SERPINA9: variants seen among roughly 807,000 people sequenced by gnomAD.
SERPINA9 encodes the protein serpin family A member 9.
Under a neutral mutation model 24.5 loss-of-function variants are expected in SERPINA9, and 32 were observed. The ratio of observed to expected loss-of-function variants is 1.30; its 90% CI spans 0.98 to 1.75. The LOEUF (loss-of-function observed/expected upper bound fraction) is 1.75, where lower values mean the gene tolerates loss of function less well. Ranked by LOEUF, SERPINA9 falls within the 40% of genes most tolerant of loss-of-function variation. The pLI is 0.00. For synonymous variants in SERPINA9, 233 were observed against 197.7 expected, an observed-to-expected ratio of 1.18 and a Z score of -1.50; for missense variants, 594 against 497.1, an observed-to-expected ratio of 1.19 and a Z score of -1.85.
intron 3 of SERPINA9, among the ~76,000 whole-genome samples, chr14:94,466,667 A>G (rs1461340620): frequency 6.6e-6 from 1 of 152,248 alleles, no homozygotes; most frequent in African/African-American, 2.4e-5. Flanking sequence ...GAATTCTTCT[A>G]AGCACTTTGT....
At chr14:94,463,333 G>A (rs1367576590) in intron 4 of SERPINA9, 37 bp from the exon 5 acceptor site, 12 of 1,584,050 alleles carry the variant, frequency 7.6e-6, no homozygotes, top group East Asian at 4.5e-5. Context: ...GGCCCTAGTG[G>A]AGACACTTTT....
intron 2 of SERPINA9, 56 bp downstream of exon 2, chr14:94,469,157 A>AATC (rs1277864779): frequency 1.8e-5 from 28 of 1,515,374 alleles, no homozygotes; most frequent in East Asian, 4.5e-5. Context: ...ACTAAGCAAA[A>AATC]ATCATCATCA....
Position 94,464,706 on chromosome 14 carries a change from C to T in SERPINA9, c.1050+1G>A. 1 of 1,611,008 alleles carries T rather than the reference C, an allele frequency of 6.2e-7. No individual in the cohort carries two copies. Among genetic ancestry groups the T allele is most frequent in the Non-Finnish European group, 8.5e-7 (1 of 1,178,662 alleles). On this transcript the variant is annotated splice_donor_variant, in intron 4 of 4. Coordinates refer to ENST00000674397, the MANE Select transcript of SERPINA9 (RefSeq NM_175739.4). LOFTEE classifies it high-confidence loss of function. ...TTTGCAAATATTTTCATTCAACTCA[C>T]TTTAGAAACCTGCAGGGAGTCTCTC...
intron 1 of SERPINA9, among the ~76,000 whole-genome samples, chr14:94,470,688 G>T (rs1899269646): frequency 6.6e-6 from 1 of 152,184 alleles, no homozygotes; most frequent in Non-Finnish European, 1.5e-5. Context: ...GTGTGATAAG[G>T]CACAAATTGT....
Position 94,467,187 on chromosome 14 carries a change from C to A in SERPINA9, c.824G>T (p.Ser275Ile), listed in dbSNP as rs1899043810. 2 of 1,614,044 alleles carry A rather than the reference C, an allele frequency of 1.2e-6. No homozygotes were observed. Among genetic ancestry groups the A allele is most frequent in the African/African-American group, 2.7e-5 (2 of 74,918 alleles). Residue 275 changes from serine (S) to isoleucine (I), a missense_variant, in exon 3 of 5, where the codon AGC becomes ATC. Transcript: ENST00000674397. ...GDAVAFFVLP[S>I]KGKMRQLEQA... ...TTCCAGTTGCCTCATCTTGCCCTTGCTAGGGAGGACAAAGAAGGCCACGGC... is the reference window on the plus strand; with the variant it reads ...TTCCAGTTGCCTCATCTTGCCCTTGATAGGGAGGACAAAGAAGGCCACGGC...
rs1474825663 is a variant in SERPINA9, at chr14:94,467,103, G to T, written c.902+6C>A. ...CAGGGCCCAGGAGATTGACACAGAT[G>T]CCCACCTTTTCTGGAGTGAGTGGCT... is the stretch of plus-strand genomic sequence containing the variant. On this transcript the variant is annotated splice_donor_region_variant and intron_variant, in intron 3 of 4. Transcript: ENST00000674397. 6.2e-7 allele frequency: 1 copy of T among 1,612,084 alleles called. No individual in the cohort carries two copies. The highest frequency in any genetic ancestry group is 8.5e-7 in the Non-Finnish European group (1 of 1,178,894).
At chr14:94,475,420 G>A in intron 1 of SERPINA9, among the ~76,000 whole-genome samples, 1 of 111,736 alleles carries the variant, frequency 8.9e-6, no homozygotes, top group East Asian at 2.4e-4. Context: ...GCCTACATGT[G>A]CACACACACA....
chr14:94,468,891 C>G (rs1176754276), intron 2 of SERPINA9, among the ~76,000 whole-genome samples: 2 of 152,188 alleles, frequency 1.3e-5, no homozygotes, highest in African/African-American at 2.4e-5. Flanking sequence ...GGCAGTGGGA[C>G]AGCTGCTGGT....
chr14:94,470,395 C>CT (rs1899255260), intron 1 of SERPINA9, among the ~76,000 whole-genome samples: 1 of 152,172 alleles, frequency 6.6e-6, no homozygotes, highest in South Asian at 2.1e-4. Flanking sequence ...AAAGGCTGTC[C>CT]TTTTTGCTGT....
intron 3 of SERPINA9, 38 bp from the exon 4 acceptor site, chr14:94,464,892 C>T: frequency 6.4e-7 from 1 of 1,570,684 alleles, no homozygotes; most frequent in Non-Finnish European, 8.7e-7. Flanking sequence ...AGGTCACAAG[C>T]CCATGGTGTC....
intron 1 of SERPINA9, among the ~76,000 whole-genome samples, chr14:94,472,309 C>G (rs758716226): frequency 3.9e-5 from 6 of 152,180 alleles, no homozygotes; most frequent in Non-Finnish European, 8.8e-5. Context: ...CTGGATGCCA[C>G]CTTCCTTTGC....
At chr14:94,470,445 A>C (rs188101366) in intron 1 of SERPINA9, among the ~76,000 whole-genome samples, 140 of 152,364 alleles carry the variant, frequency 9.2e-4, no homozygotes, top group Non-Finnish European at 1.4e-3. Flanking sequence ...TCAGTTGCTG[A>C]TGAGCTGCAG....
intron 1 of SERPINA9, among the ~76,000 whole-genome samples, chr14:94,474,236 C>T (rs8021794): frequency 0.02 from 3,120 of 152,266 alleles, 111 homozygotes; most frequent in African/African-American, 0.07. Context: ...CCCCCACTGA[C>T]GCTGGGTTGT....
Position 94,464,794 on chromosome 14 carries a change from G to A in SERPINA9, c.963C>T (p.Ile321=), listed in dbSNP as rs779655716. 70 of 1,613,112 alleles carry A rather than the reference G, an allele frequency of 4.3e-5. No individual in the cohort carries two copies. Among genetic ancestry groups the A allele is most frequent in the Non-Finnish European group, 5.6e-5 (66 of 1,179,190 alleles). Residue 321 remains isoleucine (I), a synonymous_variant, in exon 4 of 5, where the codon ATC becomes ATT. Transcript: ENST00000674397. ...SISASYNLET[I]LPKMGIQNVF... The stretch of plus-strand genomic sequence containing the variant: ...CATTTTGGATGCCCATCTTCGGGAG[G>A]ATGGTTTCCAGATTGTAGGAGGCAG...
At chr14:94,472,774 G>GA (rs1356659172) in intron 1 of SERPINA9, among the ~76,000 whole-genome samples, 7 of 152,216 alleles carry the variant, frequency 4.6e-5, no homozygotes, top group African/African-American at 1.7e-4. Context: ...AGTGGCAGCT[G>GA]ATTGAAACTT....
At chr14:94,476,051 A>C (rs2139832513) in intron 1 of SERPINA9, 85 bp downstream of exon 1, 3 of 1,596,038 alleles carry the variant, frequency 1.9e-6, no homozygotes, top group East Asian at 2.2e-5. Context: ...TGCATTTGAC[A>C]CTGAAGACCA....
intron 2 of SERPINA9, among the ~76,000 whole-genome samples, chr14:94,467,974 T>C (rs190501708): frequency 3.3e-5 from 5 of 150,124 alleles, no homozygotes; most frequent in Admixed American, 3.3e-4. Context: ...GATGGATAAA[T>C]GGGTGGATAG....
intron 1 of SERPINA9, among the ~76,000 whole-genome samples, chr14:94,475,239 G>A (rs1240405140): frequency 5.3e-5 from 8 of 152,104 alleles, no homozygotes; most frequent in African/African-American, 1.4e-4. Context: ...AGGCAGCCTC[G>A]TCCACTGTGG....
At chr14:94,468,278 G>A (rs879370493) in intron 2 of SERPINA9, among the ~76,000 whole-genome samples, 4 of 152,138 alleles carry the variant, frequency 2.6e-5, no homozygotes, top group Non-Finnish European at 4.4e-5. Context: ...AGATGAATAC[G>A]TTAATGGATA....
Sources: gnomAD v4.1 joint callset for allele counts (sites outside exome capture counted in the v4.1 genomes callset) on GRCh38, gnomAD v4.1.1 for gene constraint, MANE v1.5 for transcripts, NCBI Gene and HGNC (gene_info 2026-07-23, HGNC 2026-07-21) for gene names.